The following SULT1C3 variants were observed in gnomAD, a reference collection of about 807,000 sequenced individuals.
SULT1C3 encodes the protein sulfotransferase 1C3.
Under a neutral mutation model 28.4 loss-of-function variants are expected in SULT1C3, and 31 were observed. That is an observed-to-expected ratio of 1.09 (90% CI 0.82 to 1.47). SULT1C3 has a LOEUF of 1.47. Ranked by LOEUF, SULT1C3 falls within the 40% of genes most tolerant of loss-of-function variation. The probability of loss-of-function intolerance (pLI) is 0.00; values close to 1 mark genes in which losing one functional copy is unlikely to be tolerated. For missense variants in SULT1C3, 307 were observed against 272.5 expected, an observed-to-expected ratio of 1.13 and a Z score of -0.89; for synonymous variants, 106 against 92.2, an observed-to-expected ratio of 1.15 and a Z score of -0.86.
At chr2:108,243,462 T>G (rs998580314) in intron 1 of SULT1C3, among the ~76,000 whole-genome samples, 1 of 151,910 alleles carries the variant, frequency 6.6e-6, no homozygotes, top group Non-Finnish European at 1.5e-5. Context: ...AAACCCTGTC[T>G]CTACTAAAAA....
At chr2:108,240,991 G>A (rs375761495) in intron 1 of SULT1C3, among the ~76,000 whole-genome samples, 11 of 152,178 alleles carry the variant, frequency 7.2e-5, no homozygotes, top group African/African-American at 1.9e-4. Context: ...ATTTAAAGCC[G>A]AGCCCAGCCA....
intron 4 of SULT1C3, 41 bp from the exon 5 acceptor site, chr2:108,255,531 A>G (rs1675844723): frequency 1.2e-6 from 2 of 1,600,120 alleles, no homozygotes; most frequent in Middle Eastern, 1.7e-4. Flanking sequence ...ATGTCAGTCT[A>G]TTTTTCTCTC....
intron 1 of SULT1C3, among the ~76,000 whole-genome samples, chr2:108,243,816 G>T (rs1675523203): frequency 6.6e-6 from 1 of 152,218 alleles, no homozygotes; most frequent in African/African-American, 2.4e-5. Context: ...GAATCAGCTA[G>T]CACCACCCGA....
intron 5 of SULT1C3, among the ~76,000 whole-genome samples, chr2:108,258,055 C>T (rs374088323): frequency 2.6e-5 from 4 of 152,080 alleles, no homozygotes; most frequent in African/African-American, 7.2e-5. Flanking sequence ...GACGAATCTT[C>T]AAGTCCACTT....
chr2:108,257,606 G>A (rs1394456442), intron 5 of SULT1C3, among the ~76,000 whole-genome samples: 1 of 151,780 alleles, frequency 6.6e-6, no homozygotes, highest in African/African-American at 2.4e-5. Context: ...ATAGAGAGAG[G>A]GAGATTACAT....
chr2:108,256,768 A>G (rs554083146), intron 5 of SULT1C3, among the ~76,000 whole-genome samples: 2 of 152,264 alleles, frequency 1.3e-5, no homozygotes, highest in African/African-American at 2.4e-5. Flanking sequence ...TCAATAAATA[A>G]TAATTTCCAT....
At chr2:108,246,190 T>C (rs1675571954) in intron 1 of SULT1C3, among the ~76,000 whole-genome samples, 1 of 152,210 alleles carries the variant, frequency 6.6e-6, no homozygotes, top group Non-Finnish European at 1.5e-5. Flanking sequence ...TCTAGAAAGT[T>C]CCAAACTTTC....
intron 4 of SULT1C3, 82 bp from the exon 5 acceptor site, chr2:108,255,487 TACC>T: frequency 2.1e-6 from 3 of 1,461,066 alleles, no homozygotes; most frequent in Middle Eastern, 3.6e-4. Flanking sequence ...AGGATATGGT[TACC>T]ATTGTATTGA....
rs13396694 is a variant in SULT1C3, at chr2:108,256,749, G to A, written c.526+1051G>A. 4.8e-3 allele frequency among the ~76,000 whole-genome samples: 729 copies of A among 152,158 alleles called. 7 individuals carry two copies. Among genetic ancestry groups the A allele is most frequent in the African/African-American group, 0.017 (705 of 41,534 alleles). On this transcript the variant is annotated intron_variant, in intron 5 of 7. Transcript: ENST00000681802. The stretch of plus-strand genomic sequence containing the variant: ...ATGACCTGAATAAAAACAGATATCT[G>A]TGGAAAAGTCAATAAATAATAATTT...
At chr2:108,246,838 C>T (rs1675593845) in intron 1 of SULT1C3, among the ~76,000 whole-genome samples, 1 of 152,064 alleles carries the variant, frequency 6.6e-6, no homozygotes, top group Admixed American at 6.6e-5. Context: ...CCATTATATT[C>T]CCGATTAACA....
At chr2:108,248,138 C>CA (rs1675632420) in intron 2 of SULT1C3, among the ~76,000 whole-genome samples, 2 of 151,868 alleles carry the variant, frequency 1.3e-5, no homozygotes, top group Admixed American at 6.6e-5. Flanking sequence ...CACATAATAA[C>CA]AAAAAAATTG....
chr2:108,262,214 G>A (rs1044058107), downstream of SULT1C3, among the ~76,000 whole-genome samples: 12 of 152,104 alleles, frequency 7.9e-5, no homozygotes, highest in African/African-American at 2.7e-4. Flanking sequence ...CAGGGCTACT[G>A]TGCTTTGTAA....
At chr2:108,243,048 T>C (rs1675499263) in intron 1 of SULT1C3, among the ~76,000 whole-genome samples, 2 of 152,202 alleles carry the variant, frequency 1.3e-5, no homozygotes, top group African/African-American at 4.8e-5. Context: ...TTTTTGACTT[T>C]TCAATTTTAC....
chr2:108,256,073 T>TCC (rs1675860891), intron 5 of SULT1C3, among the ~76,000 whole-genome samples: 1 of 151,960 alleles, frequency 6.6e-6, no homozygotes, highest in African/African-American at 2.4e-5. Flanking sequence ...CCACCACGTA[T>TCC]AGTTACAAAA....
Position 108,253,352 on chromosome 2 carries a change from G to A in SULT1C3, c.309G>A (p.Glu103=), listed in dbSNP as rs758959924. 3.3e-6 allele frequency: 5 copies of A among 1,534,714 alleles called. No homozygotes were observed. In the South Asian group the frequency reaches 4.0e-5, roughly 12 times the overall value. ...KFPHKEKPDL[E]FVLEMSSPQL... ...TAAATTGTTTCTTGCTAGATTTGGAGTTCGTTCTTGAAATGTCCTCACCAC... is the reference window on the plus strand; with the variant it reads ...TAAATTGTTTCTTGCTAGATTTGGAATTCGTTCTTGAAATGTCCTCACCAC... Residue 103 remains glutamate (E), a synonymous_variant, in exon 4 of 8, where the codon GAG becomes GAA. Transcript: ENST00000681802.
intron 2 of SULT1C3, among the ~76,000 whole-genome samples, chr2:108,250,214 T>C (rs576804106): frequency 6.6e-6 from 1 of 151,404 alleles, no homozygotes; most frequent in Non-Finnish European, 1.5e-5. Flanking sequence ...TAAAGAACTG[T>C]TACAACTAAG....
chr2:108,243,221 G>T (rs1418659410), intron 1 of SULT1C3, among the ~76,000 whole-genome samples: 1 of 152,164 alleles, frequency 6.6e-6, no homozygotes, highest in Non-Finnish European at 1.5e-5. Context: ...GCTCCATTTT[G>T]TTTCCAGCGC....
At chr2:108,252,742 G>A (rs1477090145) in intron 3 of SULT1C3, among the ~76,000 whole-genome samples, 1 of 151,880 alleles carries the variant, frequency 6.6e-6, no homozygotes, top group African/African-American at 2.4e-5. Context: ...CCAATGTTAC[G>A]ATAAAGAAGA....
chr2:108,241,960 GGTTA>G (rs1573211968), intron 1 of SULT1C3, among the ~76,000 whole-genome samples: 1 of 151,478 alleles, frequency 6.6e-6, no homozygotes, highest in East Asian at 1.9e-4. Flanking sequence ...TGGAAAACCT[GGTTA>G]GTAAGCGATT....
Sources: gnomAD v4.1 joint callset for allele counts (sites outside exome capture counted in the v4.1 genomes callset) on GRCh38, gnomAD v4.1.1 for gene constraint, MANE v1.5 for transcripts, NCBI Gene and HGNC (gene_info 2026-07-23, HGNC 2026-07-21) for gene names.